The following MUSK variants were observed in gnomAD, a reference collection of about 807,000 sequenced individuals.
MUSK encodes the protein muscle associated receptor tyrosine kinase, also known as muscle, skeletal receptor tyrosine-protein kinase.
Under a neutral mutation model 88.7 loss-of-function variants are expected in MUSK, and 55 were observed. That is an observed-to-expected ratio of 0.62 (90% confidence interval 0.50 to 0.78). MUSK has a LOEUF of 0.78. MUSK is among the 30% of genes least tolerant of loss of function. The pLI, the probability that MUSK is intolerant of heterozygous loss-of-function variation, is 0.00. For missense variants in MUSK, 1,015 were observed against 1,074.3 expected (o/e 0.94, Z 0.77); for synonymous variants, 387 against 391.9 (o/e 0.99, Z 0.15).
chr9:110,722,315 A>C (rs1027681098), intron 5 of MUSK, among the ~76,000 whole-genome samples: 2 of 152,140 alleles, frequency 1.3e-5, no homozygotes, highest in African/African-American at 4.8e-5. Flanking sequence ...AGATCACTTA[A>C]GGTCAGGAGT....
chr9:110,785,616 T>C lies in MUSK; in HGVS notation c.1676T>C (p.Leu559Pro), dbSNP rs1163885675. ...HPNPMYQRMP[L>P]LLNPKLLSLE... is the part of the protein sequence containing the mutation. ...AACCCCATGTACCAGAGGATGCCGCTCCTTCTGAACCCCAAATTGCTCAGC... is the reference window on the plus strand; with the variant it reads ...AACCCCATGTACCAGAGGATGCCGCCCCTTCTGAACCCCAAATTGCTCAGC... The change falls in exon 13 of 15, where the codon CTC (leucine) becomes CCC (proline). Residue 559 changes from leucine (L) to proline (P), a missense_variant. Transcript: ENST00000374448. 2 of 1,613,356 alleles carry C rather than the reference T, an allele frequency of 1.2e-6. No homozygotes were observed. The highest frequency in any genetic ancestry group is 2.7e-5 in the African/African-American group (2 of 74,828).
intron 5 of MUSK, among the ~76,000 whole-genome samples, chr9:110,729,567 G>A (rs1374164766): frequency 5.9e-5 from 9 of 151,792 alleles, no homozygotes; most frequent in Non-Finnish European, 1.2e-4. Context: ...TTAAATACCA[G>A]GTTGCTTACA....
chr9:110,689,428 TA>T (rs376783046), intron 3 of MUSK, among the ~76,000 whole-genome samples: 3,794 of 107,900 alleles, frequency 0.035, 129 homozygotes, highest in Non-Finnish European at 0.045. Context: ...ATAATATATG[TA>T]AAAAATATTA....
intron 5 of MUSK, 151 bp from the exon 6 acceptor site, chr9:110,734,100 C>A: frequency 1.2e-6 from 1 of 804,898 alleles, no homozygotes; most frequent in Non-Finnish European, 1.9e-6. Flanking sequence ...CTTGGAGGCT[C>A]GGCCATGGCA....
In MUSK at chr9:110,804,624, T is replaced by C. The variant is rs1564303816; in HGVS notation, c.*3636T>C. On this transcript the variant is annotated 3_prime_UTR_variant, in exon 15 of 15. Coordinates refer to ENST00000374448, the MANE Select transcript of MUSK (RefSeq NM_005592.4). ...TGGGATTTATCTTGTAAAAAGCCTA[T>C]TAAGCCTTTTTCATACTTTACACAA... Among the ~76,000 whole-genome samples the C allele has an allele frequency of 6.6e-6, 1 of 152,040 alleles. No individual in the cohort carries two copies. Among genetic ancestry groups the C allele is most frequent in the Non-Finnish European group, 1.5e-5 (1 of 67,924 alleles).
At chr9:110,715,880 C>G (rs1251416598) in intron 5 of MUSK, among the ~76,000 whole-genome samples, 1 of 149,142 alleles carries the variant, frequency 6.7e-6, no homozygotes, top group Non-Finnish European at 1.5e-5. Flanking sequence ...AACACAAAAC[C>G]AAACACCACA....
chr9:110,697,188 A>G (rs1376317021), intron 4 of MUSK, 137 bp from the exon 5 acceptor site: 5 of 839,734 alleles, frequency 6.0e-6, no homozygotes, highest in Non-Finnish European at 9.4e-6. Flanking sequence ...TATGTTTTAC[A>G]TAATAAGTGG....
At chr9:110,689,718 T>TAGTTATATATAAATATAAAATTATATATA (rs370720549) in intron 3 of MUSK, among the ~76,000 whole-genome samples, 1 of 51,662 alleles carries the variant, frequency 1.9e-5, no homozygotes, top group Non-Finnish European at 2.9e-5. Flanking sequence ...TAACTATATA[T>TAGTTATATATAAATATAAAATTATATATA]GTTATATATA....
At chr9:110,773,075 T>C (rs1047993278) in intron 9 of MUSK, among the ~76,000 whole-genome samples, 5 of 152,104 alleles carry the variant, frequency 3.3e-5, no homozygotes, top group African/African-American at 9.7e-5. Context: ...GTGCCTCTTT[T>C]CATGAACGAC....
chr9:110,777,686 A>G (rs1046890996), intron 11 of MUSK, among the ~76,000 whole-genome samples: 1 of 152,076 alleles, frequency 6.6e-6, no homozygotes, highest in African/African-American at 2.4e-5. Flanking sequence ...TCAAACATTC[A>G]TTGAGGGTTT....
intron 3 of MUSK, among the ~76,000 whole-genome samples, chr9:110,689,991 TTATATATTATATATTATAAATATATAA>T (rs1196256321): frequency 2.6e-4 from 3 of 11,746 alleles, no homozygotes; most frequent in Non-Finnish European, 1.7e-4. Context: ...AATATTATAA[TTATATATTATATATTATAAATATATAA>T]TATATATTAT....
chr9:110,791,512 A>C (rs563852827), intron 14 of MUSK, among the ~76,000 whole-genome samples: 992 of 44,858 alleles, frequency 0.022, 276 homozygotes, highest in Non-Finnish European at 0.033. Flanking sequence ...ACCAAACTGC[A>C]AGGCGGCAAC....
Position 110,681,108 on chromosome 9 carries a change from T to TA in MUSK, c.80-1566_80-1565insA, listed in dbSNP as rs1564209887. On this transcript the variant is annotated intron_variant, in intron 1 of 14. Transcript: ENST00000374448. ...TATAATATATATTATATAATATATATTATATATAATATATATTATATATAT... is the reference window on the plus strand; with the variant it reads ...TATAATATATATTATATAATATATATATATATATAATATATATTATATATAT... Among the ~76,000 whole-genome samples the TA allele has an allele frequency of 2.6e-3, 118 of 45,446 alleles. 4 individuals are homozygous for TA. Among genetic ancestry groups the TA allele is most frequent in the African/African-American group, 0.012 (114 of 9,550 alleles). 29.8% of individuals were successfully genotyped at this position (45,446 alleles called of 152,430 possible). A position where few individuals can be genotyped will look rare whatever the true frequency, so the allele number is the denominator to read the frequency against.
intron 1 of MUSK, among the ~76,000 whole-genome samples, chr9:110,681,050 T>TAATATATATAATATTATATATAATATATA (rs1335114069): frequency 9.2e-5 from 2 of 21,684 alleles, no homozygotes; most frequent in East Asian, 5.7e-4. Flanking sequence ...ATAATATATA[T>TAATATATATAATATTATATATAATATATA]TATATATTAT....
chr9:110,761,796 G>A, intron 7 of MUSK: 1 of 290,808 alleles, frequency 3.4e-6, no homozygotes, highest in Non-Finnish European at 5.1e-6. Context: ...GGATGGTCTC[G>A]ATCTCCTGAC....
In MUSK at chr9:110,785,638, C is replaced by T. The variant is rs1414814193; in HGVS notation, c.1698C>T (p.Leu566=). The T allele has an allele frequency of 6.2e-7, 1 of 1,613,332 alleles. No individual in the cohort carries two copies. Among genetic ancestry groups the T allele is most frequent in the Admixed American group, 1.7e-5 (1 of 59,964 alleles). ...CGCTCCTTCTGAACCCCAAATTGCTCAGCCTGGAGTATCCAAGGAATAACA... is the reference window on the plus strand; with the variant it reads ...CGCTCCTTCTGAACCCCAAATTGCTTAGCCTGGAGTATCCAAGGAATAACA... ...RMPLLLNPKL[L]SLEYPRNNIE... Residue 566 remains leucine, a synonymous_variant, in exon 13 of 15, where the codon CTC becomes CTT. Coordinates refer to ENST00000374448, the MANE Select transcript of MUSK (RefSeq NM_005592.4).
At chr9:110,713,262 C>CTTTT (rs67227503) in intron 5 of MUSK, among the ~76,000 whole-genome samples, 11 of 137,646 alleles carry the variant, frequency 8.0e-5, no homozygotes, top group African/African-American at 2.4e-4. Context: ...ACCTTTTTTT[C>CTTTT]TTTTTTTTTT....
In MUSK at chr9:110,688,406, T is replaced by C. The variant is rs368260466; in HGVS notation, c.358+1138T>C. On this transcript the variant is annotated intron_variant, in intron 3 of 14. Transcript: ENST00000374448. ...CTTTTAATCTCTATGTACACACGTA[T>C]GTAGTCGTTAAGGTAAGTCTGCCAC... Among the ~76,000 whole-genome samples, 136 of 152,270 alleles carry C rather than the reference T, an allele frequency of 8.9e-4. 3 individuals are homozygous for C. In the South Asian group the frequency reaches 0.021, roughly 24 times the overall value.
chr9:110,694,655 A>G (rs553986532), intron 3 of MUSK, among the ~76,000 whole-genome samples: 2 of 152,192 alleles, frequency 1.3e-5, no homozygotes, highest in South Asian at 4.1e-4. Context: ...TCCTAAGGAC[A>G]TAAATGTAGT....
Sources: allele counts gnomAD v4.1 joint callset (sites outside exome capture counted in the v4.1 genomes callset), GRCh38; gene constraint gnomAD v4.1.1; transcripts MANE v1.5; gene names NCBI Gene and HGNC (gene_info 2026-07-23, HGNC 2026-07-21).